The following FEZF1 variants were observed in gnomAD, a reference collection of about 807,000 sequenced individuals.
FEZF1 encodes fez family zinc finger protein 1.
Under a neutral mutation model 32.4 loss-of-function variants are expected in FEZF1, and 8 were observed. The observed-to-expected ratio is 0.25, with a 90% CI of 0.15 to 0.45. The LOEUF is 0.45. Among genes scored for constraint, FEZF1 ranks in the 20% least tolerant of loss-of-function variants. The pLI, the probability that FEZF1 is intolerant of heterozygous loss-of-function variation, is 1.00. For missense variants in FEZF1, 546 were observed against 622.3 expected, an observed-to-expected ratio of 0.88 and a Z score of 1.31; for synonymous variants, 259 against 265.2, an observed-to-expected ratio of 0.98 and a Z score of 0.23.
chr7:122,307,846 C>A (rs1024037940), upstream of FEZF1, among the ~76,000 whole-genome samples: 2 of 152,278 alleles, frequency 1.3e-5, no homozygotes, highest in Middle Eastern at 6.8e-3. Flanking sequence ...TTTTCAAAAC[C>A]TAACCAAAAA....
upstream of FEZF1, among the ~76,000 whole-genome samples, chr7:122,309,005 G>A (rs1239150381): frequency 6.6e-6 from 1 of 152,116 alleles, no homozygotes; most frequent in Admixed American, 6.5e-5. Context: ...TTTATCTCTG[G>A]CTGGTCTTTT....
upstream of FEZF1, chr7:122,305,318 G>C (rs1194475724): frequency 1.3e-5 from 2 of 152,328 alleles, no homozygotes; most frequent in Non-Finnish European, 2.9e-5. Flanking sequence ...CGGAATCCCG[G>C]AGTCTCCGCG....
chr7:122,304,957 C>T (rs567391222), upstream of FEZF1: 5 of 152,992 alleles, frequency 3.3e-5, no homozygotes, highest in South Asian at 8.4e-4. Context: ...TCCCCACCCC[C>T]CTTTTGCTTC....
chr7:122,307,664 C>G (rs1436310183), upstream of FEZF1, among the ~76,000 whole-genome samples: 6 of 152,374 alleles, frequency 3.9e-5, no homozygotes, highest in Non-Finnish European at 8.8e-5. Flanking sequence ...GTTTGCTTTT[C>G]ACTAGTCTTT....
intron 2 of FEZF1, 113 bp downstream of exon 2, chr7:122,303,064 G>T: frequency 6.5e-7 from 1 of 1,545,544 alleles, no homozygotes; most frequent in Non-Finnish European, 8.8e-7. Context: ...CATTCACCCT[G>T]TTTAGCTAGC....
chr7:122,309,177 C>G (rs2031360335), upstream of FEZF1, among the ~76,000 whole-genome samples: 1 of 152,108 alleles, frequency 6.6e-6, no homozygotes, highest in African/African-American at 2.4e-5. Flanking sequence ...GCAACAAGTT[C>G]AAATTTAAGG....
Position 122,302,214 on chromosome 7 carries a change from G to T in FEZF1, c.1211C>A (p.Thr404Lys). Residue 404 changes from threonine (T) to lysine (K), a missense_variant, in exon 4 of 4, where the codon ACG becomes AAG. Physicochemically the swap from Thr to Lys is moderately conservative, Grantham distance 78. Transcript: ENST00000442488. This position sits in a 1 kb window ranked among gnomAD's most constrained non-coding sequence, Gnocchi z 4.4. ...GTTCCTGCAGAAACCCTTGCCGCACGTGGGGCAGGTGAAAGGCTTCTTGTC... is the reference window on the plus strand; with the variant it reads ...GTTCCTGCAGAAACCCTTGCCGCACTTGGGGCAGGTGAAAGGCTTCTTGTC... ...HNDKKPFTCP[T>K]CGKGFCRNFD... The T allele has an allele frequency of 1.2e-6, 2 of 1,614,216 alleles. No individual in the cohort carries two copies. Among genetic ancestry groups the T allele is most frequent in the South Asian group, 2.2e-5 (2 of 91,084 alleles).
rs2031078801 is a variant in FEZF1 at position 122,302,466 on chromosome 7, C to T, written c.1070-111G>A. ...GGCAAGCAGAAGAGCCGCCACAGGT[C>T]CCACAACAAGTGCAGGGCTACTATC... On this transcript the variant is annotated intron_variant, in intron 3 of 3. Transcript: ENST00000442488. This position sits in a 1 kb window ranked among gnomAD's most constrained non-coding sequence, Gnocchi z 4.4. The T allele has an allele frequency of 7.3e-6, 11 of 1,498,556 alleles. No homozygotes were observed. In the South Asian group the frequency reaches 1.2e-4, roughly 17 times the overall value. The allele number at this position is 1,498,556 out of a possible 1,614,324, so 92.8% of individuals were successfully genotyped here.
At position 122,302,907 on chromosome 7, in the gene FEZF1, A is replaced by G; in HGVS notation, c.961T>C (p.Cys321Arg). 1 of 1,612,600 alleles carries G rather than the reference A, an allele frequency of 6.2e-7. No homozygotes were observed. The highest frequency in any genetic ancestry group is 8.5e-7 in the Non-Finnish European group (1 of 1,179,220). ...GAACTTCTATTAAATGCTTTGCCAC[A>G]CTGGTTACATTTGTGAGGTTTTTCC... ...TQEKPHKCNQ[C>R]GKAFNRSSTL... Residue 321 changes from cysteine to arginine, a missense_variant, in exon 3 of 4, where the codon TGT (cysteine) becomes CGT (arginine). Around this residue, in one of 3 missense-constraint regions of FEZF1, gnomAD observed 118 missense variants for 188.7 expected, o/e 0.63. Coordinates refer to ENST00000442488, the MANE Select transcript of FEZF1 (RefSeq NM_001024613.4). This position sits in a 1 kb window ranked among gnomAD's most constrained non-coding sequence, Gnocchi z 4.4.
chr7:122,302,908 C>G lies in FEZF1; in HGVS notation c.960G>C (p.Gln320His). 3 of 1,612,508 alleles carry G rather than the reference C, an allele frequency of 1.9e-6. No homozygotes were observed. The highest frequency in any genetic ancestry group is 2.5e-6 in the Non-Finnish European group (3 of 1,179,178). Residue 320 changes from glutamine (Q) to histidine (H), a missense_variant, in exon 3 of 4, where the codon CAG becomes CAC. By Grantham distance (24) the Gln-to-His change is conservative. Around this residue, in one of 3 missense-constraint regions of FEZF1, gnomAD observed 118 missense variants for 188.7 expected, o/e 0.63. Transcript: ENST00000442488. The surrounding 1 kb of genome is among the most constrained non-coding windows in gnomAD (Gnocchi z 4.4). ...HTQEKPHKCN[Q>H]CGKAFNRSST... is the part of the protein sequence containing the mutation. The stretch of plus-strand genomic sequence containing the variant: ...AACTTCTATTAAATGCTTTGCCACA[C>G]TGGTTACATTTGTGAGGTTTTTCCT...
intron 1 of FEZF1, 97 bp downstream of exon 1, chr7:122,303,512 AGGAAGGAAGGAAGGAAGGAAGGAAGGAG>A (rs1584959794): frequency 2.0e-6 from 1 of 493,520 alleles, no homozygotes; most frequent in African/African-American, 2.5e-5. Context: ...GAAGGAAGGA[AGGAAGGAAGGAAGGAAGGAAGGAAGGAG>A]GGAGGGAAGG....
chr7:122,309,885 C>T (rs2031377920), intron 1 of FEZF1: 1 of 152,168 alleles, frequency 6.6e-6, no homozygotes, highest in African/African-American at 2.4e-5. Context: ...CTGCAGCAGT[C>T]CCTGGACAAT....
exon 1 of FEZF1, chr7:122,310,326 C>A (rs541849142): frequency 6.6e-6 from 1 of 152,358 alleles, no homozygotes; most frequent in South Asian, 2.1e-4. Context: ...GTTCCCGCTG[C>A]TGGAGTTGGG....
In FEZF1 at chr7:122,303,913, G is replaced by C. The variant is rs771407843; in HGVS notation, c.525C>G (p.Gly175=). 1.2e-6 allele frequency: 2 copies of C among 1,612,924 alleles called. No homozygotes were observed. The highest frequency in any genetic ancestry group is 1.7e-5 in the Admixed American group (1 of 59,830). The change falls in exon 1 of 4, where the codon GGC becomes GGG. Residue 175 remains glycine (G), a synonymous_variant. Coordinates refer to ENST00000442488, the MANE Select transcript of FEZF1 (RefSeq NM_001024613.4). ...AGGAGGCCACCGGGTGGATGTTCACGCCGGCTGCCGGGTGGCATGGGCCGT... is the reference window on the plus strand; with the variant it reads ...AGGAGGCCACCGGGTGGATGTTCACCCCGGCTGCCGGGTGGCATGGGCCGT... ...RGDGPCHPAA[G]VNIHPVASYF... is the part of the protein sequence containing the mutation.
chr7:122,307,431 C>T (rs970963188), upstream of FEZF1: 3 of 152,430 alleles, frequency 2.0e-5, no homozygotes, highest in African/African-American at 7.2e-5. Context: ...CAATTCGCGG[C>T]CTCTGGAGCC....
rs2031099209 is a variant in FEZF1 at position 122,302,957 on chromosome 7, G to A, written c.937-26C>T. 1 of 1,589,808 alleles carries A rather than the reference G, an allele frequency of 6.3e-7. No homozygotes were observed. The highest frequency in any genetic ancestry group is 1.4e-5 in the African/African-American group (1 of 73,650). Reference sequence around the variant, plus strand: ...CTAAGCAGGAGAAAGGAAAAGCAGAGACATTTAGATATTTTCTAATTATGT... The same window carrying A: ...CTAAGCAGGAGAAAGGAAAAGCAGAAACATTTAGATATTTTCTAATTATGT... On this transcript the variant is annotated intron_variant, in intron 2 of 3. Transcript: ENST00000442488. The surrounding 1 kb of genome is among the most constrained non-coding windows in gnomAD (Gnocchi z 4.4).
chr7:122,302,393 A>C lies in FEZF1; in HGVS notation c.1070-38T>G. ...AATGACAGGAATATGGTTCTGAAAA[A>C]AAAAATAGCTTAAAAAGGGAGGAGC... On this transcript the variant is annotated intron_variant, in intron 3 of 3. Coordinates refer to ENST00000442488, the MANE Select transcript of FEZF1 (RefSeq NM_001024613.4). The surrounding 1 kb of genome is among the most constrained non-coding windows in gnomAD (Gnocchi z 4.4). 1 of 1,612,764 alleles carries C rather than the reference A, an allele frequency of 6.2e-7. No homozygotes were observed. Among genetic ancestry groups the C allele is most frequent in the South Asian group, 1.1e-5 (1 of 90,792 alleles).
At chr7:122,304,780 C>A, upstream of FEZF1, 2 of 242,694 alleles carry the variant, frequency 8.2e-6, no homozygotes, top group South Asian at 8.9e-5. Context: ...TTCCAACAGT[C>A]AACAGGAAAA....
exon 1 of FEZF1, chr7:122,310,317 T>G (rs1369446170): frequency 6.6e-6 from 1 of 152,192 alleles, no homozygotes; most frequent in Non-Finnish European, 1.5e-5. Flanking sequence ...GGGAACCAAG[T>G]TCCCGCTGCT....
Sources: allele counts gnomAD v4.1 joint callset (sites outside exome capture counted in the v4.1 genomes callset), GRCh38; gene constraint gnomAD v4.1.1; regional missense constraint gnomAD v4.1.1; non-coding constraint Gnocchi (gnomAD v3.1); transcripts MANE v1.5; gene names NCBI Gene and HGNC (gene_info 2026-07-23, HGNC 2026-07-21).